PRKCE: variants seen among roughly 807,000 people sequenced by gnomAD.
The protein encoded by PRKCE is protein kinase C epsilon.
Under a neutral mutation model 85.4 loss-of-function variants are expected in PRKCE, and 16 were observed. The ratio of observed to expected loss-of-function variants is 0.19; its 90% CI spans 0.13 to 0.28. PRKCE has a LOEUF of 0.28. PRKCE is among the 10% of genes least tolerant of loss of function. The probability of loss-of-function intolerance (pLI) is 1.00; values close to 1 mark genes in which losing one functional copy is unlikely to be tolerated. For missense variants in PRKCE, 573 were observed against 975.2 expected (o/e 0.59, Z 5.49); for synonymous variants, 388 against 371.5 (o/e 1.04, Z -0.51).
chr2:45,799,146 A>G (rs1687665153), intron 1 of PRKCE, among the ~76,000 whole-genome samples: 1 of 151,632 alleles, frequency 6.6e-6, no homozygotes. Flanking sequence ...AGCCTGGGCA[A>G]CAGAGTGGGA....
intron 1 of PRKCE, among the ~76,000 whole-genome samples, chr2:45,811,953 A>T (rs7567136): frequency 6.6e-6 from 1 of 152,194 alleles, no homozygotes; most frequent in African/African-American, 2.4e-5. Context: ...TTTACTCATT[A>T]ATCCATTCAT....
chr2:46,133,777 C>T (rs971263717), intron 11 of PRKCE, among the ~76,000 whole-genome samples: 3 of 152,160 alleles, frequency 2.0e-5, no homozygotes, highest in African/African-American at 7.2e-5. Flanking sequence ...TGTCTGTTCT[C>T]CTGGAGTTCA....
At chr2:45,851,579 A>G (rs1558751174) in intron 2 of PRKCE, 1 of 152,112 alleles carries the variant, frequency 6.6e-6, no homozygotes, top group Non-Finnish European at 1.5e-5. Flanking sequence ...CAAGCTTATT[A>G]TTTTGTTTTT....
intron 2 of PRKCE, among the ~76,000 whole-genome samples, chr2:45,974,534 T>A (rs570268021): frequency 2.0e-5 from 3 of 152,328 alleles, no homozygotes; most frequent in African/African-American, 7.2e-5. Flanking sequence ...AGATTTCCAA[T>A]AAACAGCTGC....
Position 45,744,710 on chromosome 2 carries a change from G to A in PRKCE, c.348+92262G>A, listed in dbSNP as rs571075980. Among the ~76,000 whole-genome samples, 5 of 151,830 alleles carry A rather than the reference G, an allele frequency of 3.3e-5. No homozygotes were observed. The South Asian group carries it at 1.0e-3, about 32-fold the overall frequency. On this transcript the variant is annotated intron_variant, in intron 1 of 14. Transcript: ENST00000306156. ...TGCAACCTCCGTCTCCAGAGCTCAAGCGATTCTCCTTCCTCAGCCTCCTAG... is the reference window on the plus strand; with the variant it reads ...TGCAACCTCCGTCTCCAGAGCTCAAACGATTCTCCTTCCTCAGCCTCCTAG...
intron 3 of PRKCE, among the ~76,000 whole-genome samples, chr2:45,977,769 G>A (rs559743799): frequency 4.6e-5 from 7 of 152,286 alleles, no homozygotes; most frequent in Admixed American, 4.6e-4. Context: ...TAGCTAGGAA[G>A]TGTCAGAAGT....
At chr2:46,161,725 T>A (rs1677783958) in intron 14 of PRKCE, among the ~76,000 whole-genome samples, 1 of 151,982 alleles carries the variant, frequency 6.6e-6, no homozygotes, top group Admixed American at 6.5e-5. Context: ...AGAACCTTAA[T>A]CATAAAAGGC....
rs575416457 is a variant in PRKCE, at chr2:45,652,738, C to A, written c.348+290C>A. On this transcript the variant is annotated intron_variant, in intron 1 of 14. Transcript: ENST00000306156. The surrounding 1 kb of genome is among the most constrained non-coding windows in gnomAD (Gnocchi z 7.7). The stretch of plus-strand genomic sequence containing the variant: ...ACTGGGAGAGCCTGGGCCACTGGTG[C>A]TGAAGGTTGGCCGAGGACCCGGCTT... 2.6e-4 allele frequency among the ~76,000 whole-genome samples: 40 copies of A among 152,314 alleles called. No individual in the cohort carries two copies. Among genetic ancestry groups the A allele is most frequent in the African/African-American group, 8.7e-4 (36 of 41,554 alleles).
intron 1 of PRKCE, among the ~76,000 whole-genome samples, chr2:45,744,209 C>T (rs772590904): frequency 2.0e-5 from 3 of 152,090 alleles, no homozygotes; most frequent in Admixed American, 6.5e-5. Context: ...GCGTAATATT[C>T]GTAGCTCAGG....
intron 14 of PRKCE, among the ~76,000 whole-genome samples, chr2:46,182,989 A>T (rs1192943162): frequency 3.9e-5 from 6 of 152,152 alleles, no homozygotes; most frequent in Non-Finnish European, 8.8e-5. Flanking sequence ...CAGTCCAGTG[A>T]CCCTGGGAAA....
rs1300700215 is a variant in PRKCE at position 45,786,611 on chromosome 2, C to G, written c.349-56389C>G. Reference sequence around the variant, plus strand: ...TCAGACCTTGGCACTGGAGGTTCAACTGGGAAGACAGAGTATTTTGTATGA... The same window carrying G: ...TCAGACCTTGGCACTGGAGGTTCAAGTGGGAAGACAGAGTATTTTGTATGA... On this transcript the variant is annotated intron_variant, in intron 1 of 14. Coordinates refer to ENST00000306156, the MANE Select transcript of PRKCE (RefSeq NM_005400.3). The surrounding 1 kb of genome is among the most constrained non-coding windows in gnomAD (Gnocchi z 5.3). Among the ~76,000 whole-genome samples, 1 of 152,188 alleles carries G rather than the reference C, an allele frequency of 6.6e-6. No individual in the cohort carries two copies. The highest frequency in any genetic ancestry group is 6.5e-5 in the Admixed American group (1 of 15,280).
intron 1 of PRKCE, among the ~76,000 whole-genome samples, chr2:45,841,772 A>G (rs1691372444): frequency 6.6e-6 from 1 of 152,266 alleles, no homozygotes. Flanking sequence ...GACTGGGCAT[A>G]TCTGGATAGA....
At chr2:45,896,765 T>C (rs1440263791) in intron 2 of PRKCE, among the ~76,000 whole-genome samples, 1 of 152,148 alleles carries the variant, frequency 6.6e-6, no homozygotes, top group Non-Finnish European at 1.5e-5. Flanking sequence ...TAGAGCTTCA[T>C]GTGTAGCCTT....
chr2:45,787,107 A>T (rs902563752), intron 1 of PRKCE, among the ~76,000 whole-genome samples: 4 of 152,158 alleles, frequency 2.6e-5, no homozygotes, highest in African/African-American at 9.7e-5. Context: ...ACACTTGGCC[A>T]TTTGGAAGTG....
At chr2:45,943,073 A>G (rs1237168313) in intron 2 of PRKCE, among the ~76,000 whole-genome samples, 1 of 152,188 alleles carries the variant, frequency 6.6e-6, no homozygotes, top group African/African-American at 2.4e-5. Flanking sequence ...TTGTAAATTG[A>G]TGAATCATTT....
intron 10 of PRKCE, among the ~76,000 whole-genome samples, chr2:46,085,145 G>A (rs1038971438): frequency 8.5e-5 from 13 of 152,284 alleles, no homozygotes; most frequent in Middle Eastern, 6.8e-3. Context: ...AAGAAACGGT[G>A]CAAAGAGAAT....
At chr2:46,011,183 G>T (rs540382436) in intron 10 of PRKCE, among the ~76,000 whole-genome samples, 93 of 152,250 alleles carry the variant, frequency 6.1e-4, no homozygotes, top group African/African-American at 2.2e-3. Flanking sequence ...TTGAGGGGTT[G>T]GGAGGAGTTA....
chr2:45,955,880 G>A (rs1198678901), intron 2 of PRKCE, among the ~76,000 whole-genome samples: 2 of 152,006 alleles, frequency 1.3e-5, no homozygotes, highest in Non-Finnish European at 2.9e-5. Context: ...ATTACATACA[G>A]TCGTATAACC....
chr2:45,696,346 A>T (rs1322690669), intron 1 of PRKCE, among the ~76,000 whole-genome samples: 1 of 152,168 alleles, frequency 6.6e-6, no homozygotes, highest in Non-Finnish European at 1.5e-5. Context: ...AACAGGAATA[A>T]AGCCTTTTTT....
Sources: allele counts gnomAD v4.1 joint callset (sites outside exome capture counted in the v4.1 genomes callset), GRCh38; gene constraint gnomAD v4.1.1; non-coding constraint Gnocchi (gnomAD v3.1); transcripts MANE v1.5; gene names NCBI Gene and HGNC (gene_info 2026-07-23, HGNC 2026-07-21).